The following MYO3A variants were observed in gnomAD, a reference collection of about 807,000 sequenced individuals.
MYO3A encodes the protein myosin-IIIa.
In MYO3A, 180 loss-of-function variants were observed where a neutral mutation model predicts 192.7. The observed-to-expected ratio is 0.93, with a 90% CI of 0.83 to 1.06. MYO3A has a LOEUF of 1.06. MYO3A is among the 50% of genes least tolerant of loss of function. The pLI, the probability that MYO3A is intolerant of heterozygous loss-of-function variation, is 0.00. For missense variants in MYO3A, 1,896 were observed against 1,905.0 expected (o/e 1.00, Z 0.09); for synonymous variants, 628 against 645.3 (o/e 0.97, Z 0.41).
chr10:25,955,112 A>T, intron 4 of MYO3A, 104 bp downstream of exon 4: 3 of 1,493,242 alleles, frequency 2.0e-6, no homozygotes, highest in South Asian at 2.3e-5. Flanking sequence ...AACAGTTCTG[A>T]TAAGTTCCTG....
intron 10 of MYO3A, among the ~76,000 whole-genome samples, chr10:26,047,882 G>A (rs34044028): frequency 2.0e-5 from 3 of 151,936 alleles, no homozygotes; most frequent in Non-Finnish European, 4.4e-5. Flanking sequence ...GATAAAATTT[G>A]TATTCTTTTT....
chr10:26,048,493 A>G (rs1843766798), intron 10 of MYO3A, among the ~76,000 whole-genome samples: 1 of 152,030 alleles, frequency 6.6e-6, no homozygotes, highest in Non-Finnish European at 1.5e-5. Flanking sequence ...GAATATTATT[A>G]TTTCATGTCT....
chr10:26,065,486 G>A (rs915522987), intron 10 of MYO3A, among the ~76,000 whole-genome samples: 1 of 149,474 alleles, frequency 6.7e-6, no homozygotes, highest in Non-Finnish European at 1.5e-5. Context: ...TCGGGAAGCT[G>A]AGGCAGGAGA....
At chr10:26,095,444 AC>A (rs1178225260) in intron 15 of MYO3A, among the ~76,000 whole-genome samples, 1 of 152,072 alleles carries the variant, frequency 6.6e-6, no homozygotes, top group African/African-American at 2.4e-5. Context: ...AGAGATGCAA[AC>A]CCCAGGGTGT....
At chr10:26,002,148 C>T (rs912390416) in intron 6 of MYO3A, among the ~76,000 whole-genome samples, 6 of 152,152 alleles carry the variant, frequency 3.9e-5, no homozygotes, top group South Asian at 4.1e-4. Flanking sequence ...ATAGTAAAAA[C>T]GAAGAAATTG....
intron 7 of MYO3A, among the ~76,000 whole-genome samples, chr10:26,020,223 C>T (rs1044697712): frequency 6.6e-6 from 1 of 152,204 alleles, no homozygotes; most frequent in Non-Finnish European, 1.5e-5. Context: ...TCTATCCCAA[C>T]TCCTTGCCTC....
intron 27 of MYO3A, 108 bp from the exon 28 acceptor site, chr10:26,168,604 T>A: frequency 3.4e-6 from 4 of 1,178,526 alleles, no homozygotes; most frequent in Non-Finnish European, 4.9e-6. Context: ...AGACAGTGAT[T>A]TCCAAAATCT....
intron 26 of MYO3A, among the ~76,000 whole-genome samples, chr10:26,163,109 G>C (rs191407518): frequency 7.9e-5 from 12 of 152,336 alleles, no homozygotes; most frequent in Non-Finnish European, 1.5e-4. Flanking sequence ...CAAAGAGGAG[G>C]CTGGAAAGGC....
intron 10 of MYO3A, among the ~76,000 whole-genome samples, chr10:26,037,957 T>G (rs1843129409): frequency 6.6e-6 from 1 of 152,116 alleles, no homozygotes; most frequent in Admixed American, 6.5e-5. Flanking sequence ...AACATGAGAT[T>G]TGGGTCGGGG....
Position 26,037,902 on chromosome 10 carries a change from C to T in MYO3A, c.953+11370C>T, listed in dbSNP as rs533109447. On this transcript the variant is annotated intron_variant, in intron 10 of 34. Transcript: ENST00000642920. ...AGGAAGTCCACCCCCATGATTCAGT[C>T]ACCTCCCACAGGGTCCCTCCCCCCA... Among the ~76,000 whole-genome samples the T allele has an allele frequency of 2.0e-5, 3 of 152,288 alleles. No homozygotes were observed. The East Asian group carries it at 5.8e-4, about 29-fold the overall frequency.
At chr10:26,185,850 A>G (rs1378982215) in intron 31 of MYO3A, among the ~76,000 whole-genome samples, 1 of 152,158 alleles carries the variant, frequency 6.6e-6, no homozygotes, top group Admixed American at 6.6e-5. Flanking sequence ...GTTTTATATA[A>G]ATAGGATCAT....
chr10:26,113,679 G>A (rs904409348), intron 17 of MYO3A, among the ~76,000 whole-genome samples: 1 of 152,108 alleles, frequency 6.6e-6, no homozygotes, highest in Non-Finnish European at 1.5e-5. Flanking sequence ...ACGCAGCCAA[G>A]GAGGTAGTTG....
intron 14 of MYO3A, among the ~76,000 whole-genome samples, chr10:26,082,745 T>C (rs920318118): frequency 1.5e-5 from 2 of 130,754 alleles, no homozygotes; most frequent in Admixed American, 7.6e-5. Context: ...TCTCTTTCTC[T>C]CTCTCTCTTT....
rs753736909 is a variant in MYO3A, at chr10:26,170,393, A to C, written c.3275-23A>C. The C allele has an allele frequency of 1.9e-6, 3 of 1,611,840 alleles. No individual in the cohort carries two copies. The South Asian group carries it at 3.3e-5, about 18-fold the overall frequency. ...CTTTTATTTGTTTATAATTAACACT[A>C]CTATGGGCTTTCTGTGTTTCAGCTG... On this transcript the variant is annotated intron_variant, in intron 28 of 34. Transcript: ENST00000642920.
At chr10:26,053,780 G>A (rs941738054) in intron 10 of MYO3A, among the ~76,000 whole-genome samples, 1 of 151,708 alleles carries the variant, frequency 6.6e-6, no homozygotes, top group Non-Finnish European at 1.5e-5. Flanking sequence ...AGCTGAGATC[G>A]CGCCATTGCA....
intron 6 of MYO3A, among the ~76,000 whole-genome samples, chr10:26,010,461 T>TCTG: frequency 7.4e-6 from 1 of 134,854 alleles, no homozygotes; most frequent in Non-Finnish European, 1.6e-5. Context: ...TTTTTTTTTT[T>TCTG]TTTTTTTTTT....
intron 25 of MYO3A, among the ~76,000 whole-genome samples, chr10:26,155,960 C>T (rs1841084080): frequency 6.6e-6 from 1 of 152,122 alleles, no homozygotes; most frequent in South Asian, 2.1e-4. Context: ...AAGATAATCC[C>T]ACCTAACATG....
Position 26,201,297 on chromosome 10 carries a change from GAA to G in MYO3A, c.4580_4581del (p.Lys1527ArgfsTer15). On this transcript the variant is annotated frameshift_variant, in exon 33 of 35. Transcript: ENST00000642920. LOFTEE classifies it high-confidence loss of function. ...TCCAAGAAGAAAAACGAAGACCAAG[GAA>G]AGACAGGTAATTATTACTTCTGGAT... The part of the protein sequence containing the change: ...SIQEEKRRPR[K>X]DSQGKLLDLE... The G allele has an allele frequency of 6.3e-7, 1 of 1,579,252 alleles. No individual in the cohort carries two copies. The highest frequency in any genetic ancestry group is 8.7e-7 in the Non-Finnish European group (1 of 1,154,130).
intron 25 of MYO3A, among the ~76,000 whole-genome samples, chr10:26,155,629 A>T (rs1245197173): frequency 1.3e-5 from 2 of 152,244 alleles, no homozygotes; most frequent in African/African-American, 4.8e-5. Flanking sequence ...TTCTTTAAAA[A>T]ATATATGAGT....
Sources: gnomAD v4.1 joint callset for allele counts (sites outside exome capture counted in the v4.1 genomes callset) on GRCh38, gnomAD v4.1.1 for gene constraint, MANE v1.5 for transcripts, NCBI Gene and HGNC (gene_info 2026-07-23, HGNC 2026-07-21) for gene names.